NKAIN3: variants seen among roughly 807,000 people sequenced by gnomAD.
NKAIN3 encodes the protein sodium/potassium-transporting ATPase subunit beta-1-interacting protein 3.
In NKAIN3, 25 loss-of-function variants were observed where a neutral mutation model predicts 30.2. The observed-to-expected ratio is 0.83, with a 90% CI of 0.60 to 1.16. The LOEUF (loss-of-function observed/expected upper bound fraction) is 1.16. NKAIN3 is among the 50% of genes most tolerant of loss of function. NKAIN3 has a pLI of 0.00. For synonymous variants in NKAIN3, 91 were observed against 89.6 expected (o/e 1.02, Z -0.09); for missense variants, 225 against 254.1 (o/e 0.89, Z 0.78).
At chr8:62,946,919 A>C (rs1272458842) in intron 5 of NKAIN3, among the ~76,000 whole-genome samples, 1 of 152,222 alleles carries the variant, frequency 6.6e-6, no homozygotes, top group Non-Finnish European at 1.5e-5. Context: ...TAGCTGGAAC[A>C]AAACAAAACG....
At chr8:62,838,864 C>T in intron 4 of NKAIN3, among the ~76,000 whole-genome samples, 1 of 152,102 alleles carries the variant, frequency 6.6e-6, no homozygotes, top group East Asian at 1.9e-4. Context: ...TTGGACTCTT[C>T]TAATGGAAAA....
chr8:62,896,087 C>G (rs10808727), intron 4 of NKAIN3, among the ~76,000 whole-genome samples: 2 of 151,898 alleles, frequency 1.3e-5, no homozygotes, highest in Non-Finnish European at 2.9e-5. Context: ...GCTTAAACAA[C>G]AGAAATGTAT....
intron 4 of NKAIN3, among the ~76,000 whole-genome samples, chr8:62,780,507 C>T (rs1817324599): frequency 6.6e-6 from 1 of 152,118 alleles, no homozygotes; most frequent in African/African-American, 2.4e-5. Flanking sequence ...AGGCCTATAT[C>T]ACTGATGAAC....
At chr8:62,692,467 A>G (rs1814011926) in intron 3 of NKAIN3, among the ~76,000 whole-genome samples, 1 of 152,166 alleles carries the variant, frequency 6.6e-6, no homozygotes, top group Admixed American at 6.5e-5. Context: ...AAGAACACTC[A>G]AGATTTATGA....
intron 1 of NKAIN3, among the ~76,000 whole-genome samples, chr8:62,345,394 C>CACACATATGTAT (rs1815918810): frequency 8.8e-5 from 1 of 11,358 alleles, no homozygotes; most frequent in African/African-American, 2.3e-4. Context: ...TATATACACA[C>CACACATATGTAT]ATATACACAT....
intron 4 of NKAIN3, among the ~76,000 whole-genome samples, chr8:62,753,895 A>T (rs1026503759): frequency 6.6e-6 from 1 of 152,184 alleles, no homozygotes; most frequent in African/African-American, 2.4e-5. Context: ...AACAATTTAT[A>T]GTACATCAAC....
rs1344964510 is a variant in NKAIN3, at chr8:62,747,126, C to T, written c.468C>T (p.Leu156=). The T allele has an allele frequency of 1.4e-5, 23 of 1,590,608 alleles. No homozygotes were observed. The highest frequency in any genetic ancestry group is 2.0e-5 in the Non-Finnish European group (23 of 1,159,664). Residue 156 remains leucine (L), a synonymous_variant, in exon 4 of 7, where the codon CTC becomes CTT. Transcript: ENST00000623646. The part of the protein sequence containing the change: ...EVIHSAVQIL[L]SLVGFVYACY... Reference sequence around the variant, plus strand: ...TCCACAGTGCTGTCCAAATACTACTCTCTGTAAGTGTCACTTTTGTGTCAT... The same window carrying T: ...TCCACAGTGCTGTCCAAATACTACTTTCTGTAAGTGTCACTTTTGTGTCAT...
At chr8:62,448,638 A>C (rs565400761) in intron 1 of NKAIN3, among the ~76,000 whole-genome samples, 6 of 151,982 alleles carry the variant, frequency 3.9e-5, no homozygotes, top group Non-Finnish European at 5.9e-5. Context: ...GGTATTTTTG[A>C]AACAAACTCA....
chr8:62,701,916 C>T (rs1209944122), intron 3 of NKAIN3, among the ~76,000 whole-genome samples: 2 of 152,200 alleles, frequency 1.3e-5, no homozygotes, highest in African/African-American at 4.8e-5. Context: ...CACTTAACCC[C>T]ATATACTCAG....
At chr8:62,757,740 G>A (rs1816502460) in intron 4 of NKAIN3, among the ~76,000 whole-genome samples, 1 of 152,174 alleles carries the variant, frequency 6.6e-6, no homozygotes, top group Admixed American at 6.5e-5. Context: ...AGAAGTCAGA[G>A]GAATAATGAG....
At chr8:62,476,723 GGGATTACAGGCGTGA>G (rs1806532261) in intron 1 of NKAIN3, among the ~76,000 whole-genome samples, 1 of 152,082 alleles carries the variant, frequency 6.6e-6, no homozygotes, top group Non-Finnish European at 1.5e-5. Flanking sequence ...CCAAAGTGCT[GGGATTACAGGCGTGA>G]GCTACCATAC....
intron 4 of NKAIN3, among the ~76,000 whole-genome samples, chr8:62,748,188 CAT>C (rs1193101060): frequency 6.6e-6 from 1 of 152,146 alleles, no homozygotes; most frequent in East Asian, 1.9e-4. Context: ...TAAGGTCACC[CAT>C]ATAAACTCCA....
At chr8:62,719,362 A>T (rs1815009293) in intron 3 of NKAIN3, among the ~76,000 whole-genome samples, 1 of 152,210 alleles carries the variant, frequency 6.6e-6, no homozygotes, top group Non-Finnish European at 1.5e-5. Context: ...AATGGTCCTC[A>T]TAATTTTTGT....
intron 1 of NKAIN3, among the ~76,000 whole-genome samples, chr8:62,478,552 C>G (rs1336741688): frequency 6.6e-6 from 1 of 152,182 alleles, no homozygotes; most frequent in Non-Finnish European, 1.5e-5. Flanking sequence ...CATGCACTTA[C>G]CAGAGTCTGC....
chr8:62,475,559 G>C (rs1551199), intron 1 of NKAIN3, among the ~76,000 whole-genome samples: 147,520 of 152,262 alleles, frequency 0.97, 71,525 homozygotes, highest in East Asian at 1. Flanking sequence ...CATCACATAA[G>C]CTAATTTTAG....
chr8:62,586,895 CAG>C (rs1439691811), intron 2 of NKAIN3, among the ~76,000 whole-genome samples: 1 of 151,808 alleles, frequency 6.6e-6, no homozygotes, highest in Non-Finnish European at 1.5e-5. Flanking sequence ...AGAGATTATG[CAG>C]AGTGATTTTT....
chr8:62,654,633 T>G (rs990001564), intron 3 of NKAIN3, among the ~76,000 whole-genome samples: 2 of 152,190 alleles, frequency 1.3e-5, no homozygotes, highest in Non-Finnish European at 2.9e-5. Flanking sequence ...GAAGTTGAAC[T>G]TTATAAAGAA....
rs569039925 is a variant in NKAIN3 at position 62,289,619 on chromosome 8, G to A, written c.54+40492G>A. Among the ~76,000 whole-genome samples, 29 of 152,066 alleles carry A rather than the reference G, an allele frequency of 1.9e-4. 1 individual carries two copies. In the South Asian group the frequency reaches 6.0e-3, roughly 32 times the overall value. ...TGGTCTATATCTCTGTTTTGGTACT[G>A]GTACCATGCTGTTTTGGTTACTGTA... On this transcript the variant is annotated intron_variant, in intron 1 of 6. Coordinates refer to ENST00000623646, the MANE Select transcript of NKAIN3 (RefSeq NM_001304533.3).
chr8:62,366,948 C>G (rs1334968702), intron 1 of NKAIN3, among the ~76,000 whole-genome samples: 1 of 151,834 alleles, frequency 6.6e-6, no homozygotes, highest in Non-Finnish European at 1.5e-5. Flanking sequence ...TATTTTTTGA[C>G]TCTTGGTTAT....
Sources: allele counts gnomAD v4.1 joint callset (sites outside exome capture counted in the v4.1 genomes callset), GRCh38; gene constraint gnomAD v4.1.1; transcripts MANE v1.5; gene names NCBI Gene and HGNC (gene_info 2026-07-23, HGNC 2026-07-21).